CDH18: variants seen among roughly 807,000 people sequenced by gnomAD.
The protein encoded by CDH18 is cadherin-18.
CDH18 carries 31 observed loss-of-function variants against 67.9 expected under a neutral mutation model. The ratio of observed to expected loss-of-function variants is 0.46; its 90% CI spans 0.34 to 0.62. CDH18 has a LOEUF of 0.62. Ranked by LOEUF, CDH18 falls within the 20% of genes least tolerant of loss-of-function variation. The pLI is 0.01. For synonymous variants in CDH18, 362 were observed against 347.2 expected (o/e 1.04, Z -0.48); for missense variants, 890 against 975.5 (o/e 0.91, Z 1.17).
chr5:20,344,892 C>A (rs79684765), intron 1 of CDH18, among the ~76,000 whole-genome samples: 1,728 of 152,206 alleles, frequency 0.011, 36 homozygotes, highest in African/African-American at 0.04. Flanking sequence ...TCTGGTGTTA[C>A]CCATATGACA....
At chr5:19,802,387 G>A (rs1322549875) in intron 3 of CDH18, among the ~76,000 whole-genome samples, 1 of 151,996 alleles carries the variant, frequency 6.6e-6, no homozygotes, top group Non-Finnish European at 1.5e-5. Context: ...TTTCAAAACA[G>A]GTTGGTGGAC....
At position 20,020,880 on chromosome 5, in the gene CDH18, C is replaced by T. The variant is rs1015947523; in HGVS notation, c.-517-28866G>A. ...AAGAAGACCACCATCATCCAGGCCT[C>T]AGAACAGTGGATTCACCAATAGCTT... On this transcript the variant is annotated intron_variant, in intron 2 of 14. Coordinates refer to the CDH18 transcript ENST00000507958. Among the ~76,000 whole-genome samples the T allele has an allele frequency of 4.3e-4, 65 of 152,172 alleles. 2 individuals are homozygous for T. Among genetic ancestry groups the T allele is most frequent in the African/African-American group, 1.4e-3 (59 of 41,510 alleles).
chr5:19,965,745 T>A lies in CDH18; in HGVS notation c.-257+15315A>T, dbSNP rs1370782812. Among the ~76,000 whole-genome samples, 6 of 148,082 alleles carry A rather than the reference T, an allele frequency of 4.1e-5. 1 individual carries two copies. The highest frequency in any genetic ancestry group is 4.2e-4 in the South Asian group (2 of 4,782). On this transcript the variant is annotated intron_variant, in intron 2 of 12. Transcript: ENST00000382275. Reference sequence around the variant, plus strand: ...GAGGAAGGAGGAAGAGAGAGGCAGGTAGAAAGAGAGAGGCGGGTAGAAAGA... The same window carrying A: ...GAGGAAGGAGGAAGAGAGAGGCAGGAAGAAAGAGAGAGGCGGGTAGAAAGA...
At chr5:20,239,053 G>A (rs1007617231) in intron 2 of CDH18, among the ~76,000 whole-genome samples, 1 of 152,152 alleles carries the variant, frequency 6.6e-6, no homozygotes, top group Non-Finnish European at 1.5e-5. Flanking sequence ...GCAATAAAAA[G>A]AATGAACTAT....
chr5:19,478,259 T>C (rs1317025007), intron 12 of CDH18, among the ~76,000 whole-genome samples: 2 of 152,142 alleles, frequency 1.3e-5, no homozygotes, highest in Non-Finnish European at 2.9e-5. Context: ...TACTCCTCCC[T>C]AAGTAGCTTG....
intron 1 of CDH18, among the ~76,000 whole-genome samples, chr5:20,272,474 G>T (rs1745508181): frequency 6.6e-6 from 1 of 152,034 alleles, no homozygotes; most frequent in African/African-American, 2.4e-5. Context: ...TAGAAAAAAA[G>T]CATTTTGTAT....
At chr5:20,287,470 A>G (rs1746774661) in intron 1 of CDH18, among the ~76,000 whole-genome samples, 1 of 151,788 alleles carries the variant, frequency 6.6e-6, no homozygotes, top group Admixed American at 6.6e-5. Context: ...TTCAAAGATA[A>G]TCTAAAACTT....
chr5:20,352,636 A>AAT, intron 1 of CDH18, among the ~76,000 whole-genome samples: 1 of 150,550 alleles, frequency 6.6e-6, no homozygotes, highest in African/African-American at 2.4e-5. Context: ...AAAAAAAAAA[A>AAT]AAAAAAAAAT....
At chr5:19,858,897 G>A (rs566176471) in intron 2 of CDH18, among the ~76,000 whole-genome samples, 18 of 152,062 alleles carry the variant, frequency 1.2e-4, no homozygotes, top group Middle Eastern at 3.4e-3. Flanking sequence ...AAAGCACAAT[G>A]AGCATACAAC....
intron 1 of CDH18, among the ~76,000 whole-genome samples, chr5:20,521,396 T>C (rs1392812373): frequency 2.6e-5 from 4 of 152,126 alleles, no homozygotes; most frequent in African/African-American, 7.2e-5. Context: ...AATGAATAAG[T>C]ATTTTTTGTT....
chr5:20,524,308 A>G (rs977040076), intron 1 of CDH18, among the ~76,000 whole-genome samples: 2 of 152,206 alleles, frequency 1.3e-5, no homozygotes, highest in Admixed American at 1.3e-4. Flanking sequence ...TATATCTTTA[A>G]ACACAGGACA....
intron 1 of CDH18, among the ~76,000 whole-genome samples, chr5:19,987,836 C>A (rs1049901591): frequency 1.6e-4 from 24 of 152,162 alleles, no homozygotes; most frequent in Non-Finnish European, 1.5e-4. Flanking sequence ...AGACACGCAG[C>A]TGGATTCTGA....
intron 2 of CDH18, among the ~76,000 whole-genome samples, chr5:20,039,435 G>C (rs1050225889): frequency 7.9e-5 from 12 of 152,074 alleles, no homozygotes; most frequent in Admixed American, 5.2e-4. Flanking sequence ...CACACTACCT[G>C]ACTTCAAACT....
At chr5:20,301,017 AG>A (rs1263666883) in intron 1 of CDH18, among the ~76,000 whole-genome samples, 1 of 152,010 alleles carries the variant, frequency 6.6e-6, no homozygotes, top group Non-Finnish European at 1.5e-5. Context: ...TGAACAAAAG[AG>A]GGGTGAACGG....
intron 2 of CDH18, among the ~76,000 whole-genome samples, chr5:20,210,685 T>C (rs1360020771): frequency 6.6e-6 from 1 of 152,004 alleles, no homozygotes; most frequent in Non-Finnish European, 1.5e-5. Flanking sequence ...ACTTCAAATA[T>C]ATTTTGAAAA....
chr5:20,354,011 A>G (rs1006008068), intron 1 of CDH18, among the ~76,000 whole-genome samples: 2 of 152,212 alleles, frequency 1.3e-5, no homozygotes, highest in Non-Finnish European at 2.9e-5. Context: ...TGCTTCCATC[A>G]GCTATAAAGC....
At chr5:19,513,498 T>C (rs528660038) in intron 10 of CDH18, among the ~76,000 whole-genome samples, 155 of 152,288 alleles carry the variant, frequency 1.0e-3, no homozygotes, top group Non-Finnish European at 1.9e-3. Flanking sequence ...CAGGGACTTA[T>C]CTGTCTTTTC....
chr5:20,187,861 A>G (rs1306648935), intron 2 of CDH18, among the ~76,000 whole-genome samples: 1 of 151,834 alleles, frequency 6.6e-6, no homozygotes, highest in African/African-American at 2.4e-5. Context: ...AATATTTAAA[A>G]GACTAATATG....
intron 1 of CDH18, among the ~76,000 whole-genome samples, chr5:20,410,311 G>T (rs915429950): frequency 8.6e-5 from 13 of 151,706 alleles, no homozygotes; most frequent in African/African-American, 3.1e-4. Flanking sequence ...TTATCTCTGG[G>T]ATGTAAAGAT....
Sources: allele counts gnomAD v4.1 joint callset (sites outside exome capture counted in the v4.1 genomes callset), GRCh38; gene constraint gnomAD v4.1.1; transcripts MANE v1.5; gene names NCBI Gene and HGNC (gene_info 2026-07-23, HGNC 2026-07-21).